The following SLC9A5 variants were observed in gnomAD, a reference collection of about 807,000 sequenced individuals.
SLC9A5 encodes sodium/hydrogen exchanger 5.
A neutral mutation model predicts 91.7 loss-of-function variants in SLC9A5; 52 were observed. That is an observed-to-expected ratio of 0.57 (90% CI 0.45 to 0.71). The LOEUF (loss-of-function observed/expected upper bound fraction) is 0.71. Among genes scored for constraint, SLC9A5 ranks in the 30% least tolerant of loss-of-function variants. The probability of loss-of-function intolerance (pLI) is 0.00; values close to 1 mark genes in which losing one functional copy is unlikely to be tolerated. For synonymous variants in SLC9A5, 419 were observed against 474.5 expected (o/e 0.88, Z 1.52); for missense variants, 871 against 1,158.9 (o/e 0.75, Z 3.61).
At position 67,270,489 on chromosome 16, in the gene SLC9A5, T is replaced by A. The variant is rs1251212697; in HGVS notation, c.2219-249T>A. On this transcript the variant is annotated intron_variant, in intron 15 of 15. Coordinates refer to ENST00000299798, the MANE Select transcript of SLC9A5 (RefSeq NM_004594.3). This position sits in a 1 kb window ranked among gnomAD's most constrained non-coding sequence, Gnocchi z 4.3. ...ATGAGCCATAAGCCAACTTTCCTTA[T>A]TTTCGTTTCTTTGATGAAAATAATG... 6.6e-6 allele frequency among the ~76,000 whole-genome samples: 1 copy of A among 152,200 alleles called. No homozygotes were observed. Among genetic ancestry groups the A allele is most frequent in the Non-Finnish European group, 1.5e-5 (1 of 68,042 alleles).
At chr16:67,265,729 C>A (rs2035675947) in intron 14 of SLC9A5, among the ~76,000 whole-genome samples, 1 of 152,116 alleles carries the variant, frequency 6.6e-6, no homozygotes, top group Admixed American at 6.5e-5. Context: ...GGCTGCAAAG[C>A]CAGTTTTGTA....
chr16:67,251,224 A>G (rs1305346698), intron 1 of SLC9A5, among the ~76,000 whole-genome samples: 2 of 152,094 alleles, frequency 1.3e-5, no homozygotes, highest in African/African-American at 4.8e-5. Flanking sequence ...AGTTTTAAAA[A>G]CTACGCAGTC....
Position 67,252,253 on chromosome 16 carries a change from G to C in SLC9A5, c.188-289G>C, listed in dbSNP as rs1179924343. ...TCATGAGGTCAGGAGTTCAAGACCA[G>C]CCTGGCCAACATAGTGAAACCCTGT... is the stretch of plus-strand genomic sequence containing the variant. On this transcript the variant is annotated intron_variant, in intron 1 of 15. Coordinates refer to ENST00000299798, the MANE Select transcript of SLC9A5 (RefSeq NM_004594.3). This position sits in a 1 kb window ranked among gnomAD's most constrained non-coding sequence, Gnocchi z 4.0. Among the ~76,000 whole-genome samples the C allele has an allele frequency of 6.6e-6, 1 of 152,130 alleles. No individual in the cohort carries two copies. The highest frequency in any genetic ancestry group is 2.4e-5 in the African/African-American group (1 of 41,432).
chr16:67,263,204 A>C (rs2035586947), intron 12 of SLC9A5: 1 of 152,270 alleles, frequency 6.6e-6, no homozygotes, highest in Non-Finnish European at 1.5e-5. Flanking sequence ...GAGCCTTGTG[A>C]AGGAGATGGA....
intron 12 of SLC9A5, chr16:67,262,005 G>A (rs2035547533): frequency 6.8e-6 from 2 of 293,712 alleles, no homozygotes; most frequent in South Asian, 3.2e-5. Context: ...CAGTCCAATC[G>A]GTTCATGTGT....
In SLC9A5 at chr16:67,271,499, T is replaced by A. The variant is rs2035924081; in HGVS notation, c.*289T>A. 2 of 446,008 alleles carry A rather than the reference T, an allele frequency of 4.5e-6. No homozygotes were observed. The highest frequency in any genetic ancestry group is 7.0e-5 in the South Asian group (2 of 28,438). 27.6% of individuals were successfully genotyped at this position (446,008 alleles called of 1,614,324 possible). A position where few individuals can be genotyped will look rare whatever the true frequency, so the allele number is the denominator to read the frequency against. ...GGCTAGGCCCAGAGACTTGGGTTGC[T>A]GGTCCCCCTTCCCTAGTGGGTTTTC... On this transcript the variant is annotated 3_prime_UTR_variant, in exon 16 of 16. Coordinates refer to ENST00000299798, the MANE Select transcript of SLC9A5 (RefSeq NM_004594.3).
At chr16:67,264,203 T>C in intron 12 of SLC9A5, 149 bp from the exon 13 acceptor site, 1 of 663,660 alleles carries the variant, frequency 1.5e-6, no homozygotes, top group Non-Finnish European at 2.6e-6. Context: ...GTTCCTGTTG[T>C]ATTTTTTGTT....
chr16:67,250,274 C>T (rs548912097), intron 1 of SLC9A5, among the ~76,000 whole-genome samples: 7 of 151,904 alleles, frequency 4.6e-5, no homozygotes, highest in Non-Finnish European at 1.0e-4. Flanking sequence ...CTTCCGGGAG[C>T]GTGGTTCTGT....
chr16:67,270,660 A>G lies in SLC9A5; in HGVS notation c.2219-78A>G. On this transcript the variant is annotated intron_variant, in intron 15 of 15. Transcript: ENST00000299798. This position sits in a 1 kb window ranked among gnomAD's most constrained non-coding sequence, Gnocchi z 4.3. ...ATGGACGGCATATGGAAACTGTGGC[A>G]TGAATTTATAAGAATGTGCTTATAC... 9.4e-7 allele frequency: 1 copy of G among 1,058,338 alleles called. No individual in the cohort carries two copies. Among genetic ancestry groups the G allele is most frequent in the Non-Finnish European group, 1.3e-6 (1 of 740,746 alleles). 65.6% of individuals were successfully genotyped at this position (1,058,338 alleles called of 1,614,324 possible).
Position 67,249,156 on chromosome 16 carries a change from T to A in SLC9A5, c.142T>A (p.Tyr48Asn). The A allele has an allele frequency of 6.4e-7, 1 of 1,564,552 alleles. No individual in the cohort carries two copies. Among genetic ancestry groups the A allele is most frequent in the Non-Finnish European group, 8.6e-7 (1 of 1,161,110 alleles). Reference protein sequence around the residue: ...RWQWHEVEAPYLVALWILVAS... With the variant: ...RWQWHEVEAPNLVALWILVAS... ...GCAGTGGCACGAGGTGGAGGCGCCC[T>A]ACCTGGTGGCCCTGTGGATCCTGGT... Residue 48 changes from tyrosine to asparagine, a missense_variant, in exon 1 of 16, where the codon TAC (tyrosine) becomes AAC (asparagine). Tyr to Asn is a moderately radical substitution (Grantham distance 143). This residue lies in a region of SLC9A5 where 122 missense variants were observed against 114.5 expected (regional missense o/e 1.07). Coordinates refer to ENST00000299798, the MANE Select transcript of SLC9A5 (RefSeq NM_004594.3).
rs2035625256 is a variant in SLC9A5 at position 67,264,276 on chromosome 16, T to C, written c.1843-76T>C. ...GCTGGCAGGTCCTGTGGTGAATATG[T>C]TGGGGCTGTGGCCTGGGGTTCTTGT... On this transcript the variant is annotated intron_variant, in intron 12 of 15. Coordinates refer to ENST00000299798, the MANE Select transcript of SLC9A5 (RefSeq NM_004594.3). The C allele has an allele frequency of 6.0e-6, 8 of 1,339,134 alleles. No homozygotes were observed. In the South Asian group the frequency reaches 8.6e-5, roughly 14 times the overall value. The allele number at this position is 1,339,134 out of a possible 1,614,324, so 83.0% of individuals were successfully genotyped here. A position where few individuals can be genotyped will look rare whatever the true frequency, so the allele number is the denominator to read the frequency against.
In SLC9A5 at chr16:67,252,950, C is replaced by T; in HGVS notation, c.490+106C>T. ...GTGAGCCATGCCCTGAAAGCTCCAT[C>T]CTAGGTCCCTCCCTCTGGAGTGCAA... On this transcript the variant is annotated intron_variant, in intron 2 of 15. Coordinates refer to ENST00000299798, the MANE Select transcript of SLC9A5 (RefSeq NM_004594.3). The surrounding 1 kb of genome is among the most constrained non-coding windows in gnomAD (Gnocchi z 4.0). 1 of 1,046,906 alleles carries T rather than the reference C, an allele frequency of 9.6e-7. No individual in the cohort carries two copies. The highest frequency in any genetic ancestry group is 1.4e-6 in the Non-Finnish European group (1 of 735,906). 64.9% of individuals were successfully genotyped at this position (1,046,906 alleles called of 1,614,324 possible). A position where few individuals can be genotyped will look rare whatever the true frequency, so the allele number is the denominator to read the frequency against.
At chr16:67,264,904 T>C (rs2035649532) in intron 13 of SLC9A5, 136 bp from the exon 14 acceptor site, 1 of 845,152 alleles carries the variant, frequency 1.2e-6, no homozygotes. Flanking sequence ...GGCCAAGGGA[T>C]GGTAGAACCA....
rs987584617 is a variant in SLC9A5, at chr16:67,252,236, T to A, written c.188-306T>A. Among the ~76,000 whole-genome samples the A allele has an allele frequency of 2.0e-5, 3 of 152,006 alleles. No homozygotes were observed. The highest frequency in any genetic ancestry group is 4.4e-5 in the Non-Finnish European group (3 of 68,014). ...AGGCCAAGGTGGGCGGATCATGAGG[T>A]CAGGAGTTCAAGACCAGCCTGGCCA... On this transcript the variant is annotated intron_variant, in intron 1 of 15. Coordinates refer to ENST00000299798, the MANE Select transcript of SLC9A5 (RefSeq NM_004594.3). This position sits in a 1 kb window ranked among gnomAD's most constrained non-coding sequence, Gnocchi z 4.0.
rs751024180 is a variant in SLC9A5, at chr16:67,259,557, G to A, written c.1627-16G>A. 6.2e-7 allele frequency: 1 copy of A among 1,610,142 alleles called. No individual in the cohort carries two copies. Among genetic ancestry groups the A allele is most frequent in the Non-Finnish European group, 8.5e-7 (1 of 1,176,530 alleles). ...TCCATCTGATTGCTGGCTGACCTTG[G>A]TCTTGACACCTGCAGGGAGGCCACG... On this transcript the variant is annotated splice_polypyrimidine_tract_variant and intron_variant, in intron 10 of 15. Transcript: ENST00000299798.
At chr16:67,253,941 G>T (rs555691211) in intron 2 of SLC9A5, among the ~76,000 whole-genome samples, 1 of 152,236 alleles carries the variant, frequency 6.6e-6, no homozygotes, top group South Asian at 2.1e-4. Flanking sequence ...CTTTTTCCAA[G>T]GTATTACAAG....
At position 67,252,460 on chromosome 16, in the gene SLC9A5, A is replaced by C; in HGVS notation, c.188-82A>C. 7.6e-7 allele frequency: 1 copy of C among 1,320,904 alleles called. No individual in the cohort carries two copies. The highest frequency in any genetic ancestry group is 1.0e-6 in the Non-Finnish European group (1 of 965,890). The allele number at this position is 1,320,904 out of a possible 1,614,324, so 81.8% of individuals were successfully genotyped here. The stretch of plus-strand genomic sequence containing the variant: ...GTGAGACTTCATCTCAAAAAAAAAA[A>C]AACAAAACTGGGAGTTCATAGGCCT... On this transcript the variant is annotated intron_variant, in intron 1 of 15. Coordinates refer to ENST00000299798, the MANE Select transcript of SLC9A5 (RefSeq NM_004594.3). The surrounding 1 kb of genome is among the most constrained non-coding windows in gnomAD (Gnocchi z 4.0).
rs775453977 is a variant in SLC9A5 at position 67,270,699 on chromosome 16, T to C, written c.2219-39T>C. On this transcript the variant is annotated intron_variant, in intron 15 of 15. Transcript: ENST00000299798. The surrounding 1 kb of genome is among the most constrained non-coding windows in gnomAD (Gnocchi z 4.3). Reference sequence around the variant, plus strand: ...ATGTGCTTATACTTGAGATTTCCACTGTATTGGTAATGAGTTCATGTGTAC... The same window carrying C: ...ATGTGCTTATACTTGAGATTTCCACCGTATTGGTAATGAGTTCATGTGTAC... 6 of 1,334,678 alleles carry C rather than the reference T, an allele frequency of 4.5e-6. No homozygotes were observed. The Admixed American group carries it at 7.4e-5, about 17-fold the overall frequency. 82.7% of individuals were successfully genotyped at this position (1,334,678 alleles called of 1,614,324 possible).
rs1018682394 is a variant in SLC9A5, at chr16:67,270,629, G to A, written c.2219-109G>A. 3.0e-5 allele frequency: 24 copies of A among 808,694 alleles called. No individual in the cohort carries two copies. In the South Asian group the frequency reaches 3.2e-4, roughly 11 times the overall value. 50.1% of individuals were successfully genotyped at this position (808,694 alleles called of 1,614,324 possible). On this transcript the variant is annotated intron_variant, in intron 15 of 15. Coordinates refer to ENST00000299798, the MANE Select transcript of SLC9A5 (RefSeq NM_004594.3). The surrounding 1 kb of genome is among the most constrained non-coding windows in gnomAD (Gnocchi z 4.3). ...TCAGCAAGACATTCATCCGATAATC[G>A]CAAAAATGGACGGCATATGGAAACT...
Sources: allele counts gnomAD v4.1 joint callset (sites outside exome capture counted in the v4.1 genomes callset), GRCh38; gene constraint gnomAD v4.1.1; regional missense constraint gnomAD v4.1.1; non-coding constraint Gnocchi (gnomAD v3.1); transcripts MANE v1.5; gene names NCBI Gene and HGNC (gene_info 2026-07-23, HGNC 2026-07-21).